DCBLD1: variants seen among roughly 807,000 people sequenced by gnomAD.
DCBLD1 encodes the protein discoidin, CUB and LCCL domain-containing protein 1.
In DCBLD1, 57 loss-of-function variants were observed where a neutral mutation model predicts 71.5. The ratio of observed to expected loss-of-function variants is 0.80; its 90% CI spans 0.64 to 0.99. The LOEUF (loss-of-function observed/expected upper bound fraction) is 0.99. Ranked by LOEUF, DCBLD1 falls within the 50% of genes least tolerant of loss-of-function variation. The pLI is 0.00. For missense variants in DCBLD1, 891 were observed against 923.5 expected, an observed-to-expected ratio of 0.96 and a Z score of 0.46; for synonymous variants, 380 against 363.8, an observed-to-expected ratio of 1.04 and a Z score of -0.51.
intron 2 of DCBLD1, among the ~76,000 whole-genome samples, chr6:117,505,745 G>A (rs77182475): frequency 3.3e-5 from 5 of 152,188 alleles, no homozygotes; most frequent in East Asian, 3.9e-4. Flanking sequence ...AGGAATGATC[G>A]CTTGAGCTCA....
intron 2 of DCBLD1, among the ~76,000 whole-genome samples, chr6:117,517,011 A>G (rs1361063627): frequency 1.3e-5 from 2 of 152,148 alleles, no homozygotes; most frequent in Non-Finnish European, 2.9e-5. Flanking sequence ...CATATTTCAA[A>G]ATCAATCATG....
chr6:117,486,480 TCTC>T (rs1287535104), intron 1 of DCBLD1, among the ~76,000 whole-genome samples: 69 of 152,346 alleles, frequency 4.5e-4, no homozygotes, highest in Middle Eastern at 3.4e-3. Flanking sequence ...CTTTGTTCTG[TCTC>T]CTCCACTGCC....
At position 117,511,742 on chromosome 6, in the gene DCBLD1, C is replaced by T. The variant is rs932190183; in HGVS notation, c.325+7763C>T. Reference sequence around the variant, plus strand: ...GAGGGGAAAGCGCAAGATTGACAGTCTCTGTTTTACAAATGGTTTATATGT... The same window carrying T: ...GAGGGGAAAGCGCAAGATTGACAGTTTCTGTTTTACAAATGGTTTATATGT... On this transcript the variant is annotated intron_variant, in intron 2 of 14. Coordinates refer to ENST00000338728, the MANE Select transcript of DCBLD1 (RefSeq NM_001366458.2). Among the ~76,000 whole-genome samples, 6 of 152,252 alleles carry T rather than the reference C, an allele frequency of 3.9e-5. No homozygotes were observed. The South Asian group carries it at 1.0e-3, about 26-fold the overall frequency.
chr6:117,493,263 T>A (rs1471755861), intron 1 of DCBLD1, among the ~76,000 whole-genome samples: 4 of 152,140 alleles, frequency 2.6e-5, no homozygotes, highest in Non-Finnish European at 5.9e-5. Context: ...AATGTAGAAT[T>A]TCCAGGCCCT....
chr6:117,532,135 G>A, intron 5 of DCBLD1, 125 bp from the exon 6 acceptor site: 2 of 1,358,470 alleles, frequency 1.5e-6, no homozygotes, highest in Non-Finnish European at 2.0e-6. Flanking sequence ...CCAGGGCATG[G>A]CCATTGGAAG....
At chr6:117,512,962 TC>T (rs1431071257) in intron 2 of DCBLD1, among the ~76,000 whole-genome samples, 3 of 152,096 alleles carry the variant, frequency 2.0e-5, no homozygotes, top group Non-Finnish European at 4.4e-5. Flanking sequence ...TTCAAACATG[TC>T]CCTTCTATAT....
At chr6:117,502,446 A>C (rs968342329) in intron 1 of DCBLD1, among the ~76,000 whole-genome samples, 1 of 152,112 alleles carries the variant, frequency 6.6e-6, no homozygotes, top group African/African-American at 2.4e-5. Flanking sequence ...TGGAGTTTTC[A>C]AATCTTTTTC....
intron 14 of DCBLD1, among the ~76,000 whole-genome samples, chr6:117,565,804 G>A (rs1156785967): frequency 6.6e-6 from 1 of 152,086 alleles, no homozygotes; most frequent in Non-Finnish European, 1.5e-5. Context: ...CTTCCAAATA[G>A]TCCGAAAATC....
In DCBLD1 at chr6:117,543,202, C is replaced by G. The variant is rs755788936; in HGVS notation, c.1436C>G (p.Ala479Gly). 6.2e-7 allele frequency: 1 copy of G among 1,613,832 alleles called. No individual in the cohort carries two copies. Among genetic ancestry groups the G allele is most frequent in the South Asian group, 1.1e-5 (1 of 91,070 alleles). ...TTTGCTGGAATGGGGATCTTTGCAG[C>G]CTTTAGAAAGTATGGTGACTTTACA... is the stretch of plus-strand genomic sequence containing the variant. ...LVFAGMGIFA[A>G]FRKKKKKGSP... The change falls in exon 12 of 15, where the codon GCC becomes GGC. Residue 479 changes from alanine to glycine, a missense_variant. By Grantham distance (60) the Ala-to-Gly change is moderately conservative (BLOSUM62 0). Coordinates refer to ENST00000338728, the MANE Select transcript of DCBLD1 (RefSeq NM_001366458.2).
At chr6:117,501,762 G>T (rs975442762) in intron 1 of DCBLD1, among the ~76,000 whole-genome samples, 1 of 152,186 alleles carries the variant, frequency 6.6e-6, no homozygotes, top group African/African-American at 2.4e-5. Context: ...CTTCTCTCTT[G>T]TATCATTTTC....
chr6:117,490,604 G>A (rs1289687863), intron 1 of DCBLD1, among the ~76,000 whole-genome samples: 2 of 152,046 alleles, frequency 1.3e-5, no homozygotes, highest in Non-Finnish European at 2.9e-5. Context: ...AAGGTAAGGT[G>A]TATTTTTTTA....
At position 117,482,760 on chromosome 6, in the gene DCBLD1, C is replaced by T. The variant is rs1305534822; in HGVS notation, c.-22C>T. On this transcript the variant is annotated 5_prime_UTR_variant, in exon 1 of 15. Transcript: ENST00000338728. ...TCCGTCGAGGGGAGGCCGAGCTTGCCAAGCTGGCGCCCAGCGGGGTCATGG... is the reference window on the plus strand; with the variant it reads ...TCCGTCGAGGGGAGGCCGAGCTTGCTAAGCTGGCGCCCAGCGGGGTCATGG... 2.7e-6 allele frequency: 3 copies of T among 1,130,910 alleles called. No homozygotes were observed. Among genetic ancestry groups the T allele is most frequent in the Non-Finnish European group, 3.2e-6 (3 of 923,734 alleles). The allele number at this position is 1,130,910 out of a possible 1,614,324, so 70.1% of individuals were successfully genotyped here. A position where few individuals can be genotyped will look rare whatever the true frequency, so the allele number is the denominator to read the frequency against.
At chr6:117,528,950 C>G (rs954603366) in intron 5 of DCBLD1, among the ~76,000 whole-genome samples, 2 of 152,162 alleles carry the variant, frequency 1.3e-5, no homozygotes, top group East Asian at 3.9e-4. Context: ...ACGCCATTCT[C>G]CTGCCTCAGC....
rs759760392 is a variant in DCBLD1, at chr6:117,519,875, A to G, written c.385A>G (p.Thr129Ala). 9.9e-6 allele frequency: 16 copies of G among 1,614,114 alleles called. No homozygotes were observed. Among genetic ancestry groups the G allele is most frequent in the Non-Finnish European group, 1.3e-5 (15 of 1,179,998 alleles). ...ACTCTTGTTGAACACAAGTGAAGTAACCGTCCGCTTTGAGAGTGGATCCCA... is the reference window on the plus strand; with the variant it reads ...ACTCTTGTTGAACACAAGTGAAGTAGCCGTCCGCTTTGAGAGTGGATCCCA... The part of the protein sequence containing the change: ...KELLLNTSEV[T>A]VRFESGSHIS... The change falls in exon 3 of 15, where the codon ACC becomes GCC. Residue 129 changes from threonine to alanine, a missense_variant. Transcript: ENST00000338728.
Position 117,549,389 on chromosome 6 carries a change from A to C in DCBLD1, c.*950A>C. The C allele has an allele frequency of 1.0e-6, 1 of 985,430 alleles. No individual in the cohort carries two copies. The allele number at this position is 985,430 out of a possible 1,614,324, so 61.0% of individuals were successfully genotyped here. A position where few individuals can be genotyped will look rare whatever the true frequency, so the allele number is the denominator to read the frequency against. ...TAAATCGAGCTTTTCTACTGACATGAAACTGTTGGAAACTGATCTCATTTT... is the reference window on the plus strand; with the variant it reads ...TAAATCGAGCTTTTCTACTGACATGCAACTGTTGGAAACTGATCTCATTTT... On this transcript the variant is annotated 3_prime_UTR_variant, in exon 15 of 15. Transcript: ENST00000338728.
At chr6:117,551,186 A>G (rs189245155), downstream of DCBLD1, among the ~76,000 whole-genome samples, 108 of 152,206 alleles carry the variant, frequency 7.1e-4, no homozygotes, top group African/African-American at 2.6e-3. Context: ...GTATTGAGCT[A>G]TGAATTTGTT....
chr6:117,496,236 C>T (rs577718644), intron 1 of DCBLD1, among the ~76,000 whole-genome samples: 1 of 152,166 alleles, frequency 6.6e-6, no homozygotes, highest in South Asian at 2.1e-4. Flanking sequence ...ATAGCTGTAA[C>T]TTCTTTCAGC....
chr6:117,551,568 A>G (rs210623), downstream of DCBLD1, among the ~76,000 whole-genome samples: 3,139 of 151,996 alleles, frequency 0.021, 119 homozygotes, highest in African/African-American at 0.072. Context: ...TTTAGTAGAG[A>G]CGGGGTTTCA....
At chr6:117,563,377 A>G (rs1453636394) in intron 14 of DCBLD1, 9 of 1,612,538 alleles carry the variant, frequency 5.6e-6, no homozygotes, top group Non-Finnish European at 5.9e-6. Context: ...CTGCCTTCTT[A>G]TTAAATCCTG....
Sources: allele counts gnomAD v4.1 joint callset (sites outside exome capture counted in the v4.1 genomes callset), GRCh38; gene constraint gnomAD v4.1.1; transcripts MANE v1.5; gene names NCBI Gene and HGNC (gene_info 2026-07-23, HGNC 2026-07-21).